Variants in ATAD3C observed in about 807,000 individuals in gnomAD.
The protein encoded by ATAD3C is ATPase family AAA domain containing 3C.
In ATAD3C, 38 loss-of-function variants were observed where a neutral mutation model predicts 46.3. That is an observed-to-expected ratio of 0.82 (90% CI 0.63 to 1.08). The LOEUF is 1.08. Ranked by LOEUF, ATAD3C falls within the 50% of genes least tolerant of loss-of-function variation. ATAD3C has a pLI of 0.00. For synonymous variants in ATAD3C, 220 were observed against 236.4 expected (o/e 0.93, Z 0.63); for missense variants, 563 against 572.7 (o/e 0.98, Z 0.17).
At position 1,452,806 on chromosome 1, in the gene ATAD3C, AAAAAAG is replaced by A. The variant is rs1334714647; in HGVS notation, c.222+376_222+381del. On this transcript the variant is annotated intron_variant, in intron 3 of 11. Coordinates refer to ENST00000378785, the MANE Select transcript of ATAD3C (RefSeq NM_001039211.3). ...GAGCGAGGCTCCTTCTCAAAAAAAA[AAAAAAG>A]AAAGAAAGAAAGAAAGAAAAAACAG... is the stretch of plus-strand genomic sequence containing the variant. Among the ~76,000 whole-genome samples, 5 of 132,606 alleles carry A rather than the reference AAAAAAG, an allele frequency of 3.8e-5. No individual in the cohort carries two copies. The East Asian group carries it at 7.4e-4, about 20-fold the overall frequency. The allele number at this position is 132,606 out of a possible 152,430, so 87.0% of individuals were successfully genotyped here.
Position 1,457,232 on chromosome 1 carries a change from C to A in ATAD3C, c.741+52C>A. The A allele has an allele frequency of 2.5e-6, 4 of 1,610,754 alleles. 1 individual carries two copies. Among genetic ancestry groups the A allele is most frequent in the Non-Finnish European group, 3.4e-6 (4 of 1,177,300 alleles). ...CCACAGGAGGGTGGTGGGGTGTGTG[C>A]GGCTGTCATCCTGGGCCAGGCCGCA... is the stretch of plus-strand genomic sequence containing the variant. On this transcript the variant is annotated intron_variant, in intron 8 of 11. Transcript: ENST00000378785.
intron 3 of ATAD3C, among the ~76,000 whole-genome samples, chr1:1,453,251 G>A (rs1638895148): frequency 6.6e-6 from 1 of 152,112 alleles, no homozygotes; most frequent in Non-Finnish European, 1.5e-5. Context: ...CTTCCAGGCT[G>A]GAGTGCGGTG....
At chr1:1,451,136 G>A (rs1363784267) in intron 1 of ATAD3C, among the ~76,000 whole-genome samples, 1 of 151,650 alleles carries the variant, frequency 6.6e-6, no homozygotes, top group East Asian at 1.9e-4. Flanking sequence ...CACCTCCCGG[G>A]TTCACACCAT....
chr1:1,468,574 C>G lies in ATAD3C; in HGVS notation c.*44C>G. On this transcript the variant is annotated 3_prime_UTR_variant, in exon 12 of 12. Transcript: ENST00000378785. ...CCTCACGGAGCCTGGCCGCGGACCC[C>G]TCCCACCCCTGCCTTTGCGGCCCCG... 1 of 1,582,090 alleles carries G rather than the reference C, an allele frequency of 6.3e-7. No homozygotes were observed. Among genetic ancestry groups the G allele is most frequent in the Non-Finnish European group, 8.6e-7 (1 of 1,166,048 alleles).
intron 8 of ATAD3C, among the ~76,000 whole-genome samples, chr1:1,457,512 C>T (rs1000812964): frequency 1.4e-5 from 2 of 140,172 alleles, no homozygotes; most frequent in East Asian, 2.4e-4. Flanking sequence ...AGGAGAATGG[C>T]GTGAACCCGG....
At chr1:1,454,890 T>C (rs1024429102) in intron 4 of ATAD3C, among the ~76,000 whole-genome samples, 2 of 151,798 alleles carry the variant, frequency 1.3e-5, no homozygotes, top group South Asian at 4.2e-4. Context: ...GGGGTGGCAG[T>C]GTCTCCACAG....
rs1439647888 is a variant in ATAD3C at position 1,468,378 on chromosome 1, C to T, written c.1090-6C>T. 6 of 1,607,144 alleles carry T rather than the reference C, an allele frequency of 3.7e-6. No individual in the cohort carries two copies. The African/African-American group carries it at 5.4e-5, about 14-fold the overall frequency. On this transcript the variant is annotated splice_region_variant and splice_polypyrimidine_tract_variant and intron_variant, in intron 11 of 11. Transcript: ENST00000378785. Reference sequence around the variant, plus strand: ...GGCCTCCCTCAGCTCCCTCTCTCCCCACTAGGCCACGGCGTATGCCTCCAA... The same window carrying T: ...GGCCTCCCTCAGCTCCCTCTCTCCCTACTAGGCCACGGCGTATGCCTCCAA...
intron 11 of ATAD3C, among the ~76,000 whole-genome samples, chr1:1,467,072 C>A (rs1310485879): frequency 6.6e-6 from 1 of 152,034 alleles, no homozygotes; most frequent in East Asian, 1.9e-4. Flanking sequence ...TGGGACCTTG[C>A]CACGTGGTGA....
chr1:1,464,868 C>A (rs1238093233), intron 11 of ATAD3C, among the ~76,000 whole-genome samples: 1 of 151,966 alleles, frequency 6.6e-6, no homozygotes, highest in Non-Finnish European at 1.5e-5. Flanking sequence ...TGATGTCTCT[C>A]AGCAATATTG....
intron 4 of ATAD3C, 103 bp downstream of exon 4, chr1:1,454,603 C>A: frequency 6.8e-7 from 1 of 1,472,066 alleles, no homozygotes; most frequent in Non-Finnish European, 9.0e-7. Context: ...TTCCCTTTCC[C>A]CGGATAACAG....
intron 11 of ATAD3C, among the ~76,000 whole-genome samples, chr1:1,463,079 G>A (rs1376151100): frequency 2.0e-5 from 3 of 152,068 alleles, no homozygotes; most frequent in Non-Finnish European, 2.9e-5. Context: ...TGGTGGGGGT[G>A]GAGGGACGTT....
At chr1:1,457,627 C>T (rs1273485783) in intron 8 of ATAD3C, among the ~76,000 whole-genome samples, 1 of 141,544 alleles carries the variant, frequency 7.1e-6, no homozygotes, top group Non-Finnish European at 1.5e-5. Context: ...AAAAAAACAG[C>T]ATTTTTTTAG....
chr1:1,457,457 G>A (rs1009429838), intron 8 of ATAD3C, among the ~76,000 whole-genome samples: 3 of 151,204 alleles, frequency 2.0e-5, no homozygotes, highest in South Asian at 4.2e-4. Context: ...TTAGCTGTGC[G>A]TGGTGGCGGG....
intron 11 of ATAD3C, among the ~76,000 whole-genome samples, chr1:1,464,701 G>GC (rs1165728686): frequency 6.6e-6 from 1 of 151,834 alleles, no homozygotes; most frequent in Admixed American, 6.6e-5. Flanking sequence ...AACCCTGGAG[G>GC]CGGAGGTTCC....
At chr1:1,467,236 C>A (rs1243488971) in intron 11 of ATAD3C, among the ~76,000 whole-genome samples, 1 of 152,194 alleles carries the variant, frequency 6.6e-6, no homozygotes, top group East Asian at 1.9e-4. Flanking sequence ...TGCTCACCCC[C>A]TTTCCTCTGC....
rs1639202639 is a variant in ATAD3C, at chr1:1,469,302, AAAG to A, written c.*773_*775del. 6.7e-6 allele frequency: 1 copy of A among 149,294 alleles called. No individual in the cohort carries two copies. Among genetic ancestry groups the A allele is most frequent in the African/African-American group, 2.5e-5 (1 of 40,642 alleles). The allele number at this position is 149,294 out of a possible 1,614,324, so 9.2% of individuals were successfully genotyped here. On this transcript the variant is annotated 3_prime_UTR_variant, in exon 12 of 12. Coordinates refer to ENST00000378785, the MANE Select transcript of ATAD3C (RefSeq NM_001039211.3). Reference sequence around the variant, plus strand: ...ACTCCCTCTAAAAAAAAAAAAAAAAAAAGGGCCAGGTGGCACATGCCGGTGGTC... The same window carrying A: ...ACTCCCTCTAAAAAAAAAAAAAAAAAGGCCAGGTGGCACATGCCGGTGGTC...
At chr1:1,456,021 C>T in intron 6 of ATAD3C, 105 bp downstream of exon 6, 1 of 1,557,286 alleles carries the variant, frequency 6.4e-7, no homozygotes, top group East Asian at 2.4e-5. Context: ...CCCCTTAGGC[C>T]TTTGCCCACC....
chr1:1,452,392 A>C lies in ATAD3C; in HGVS notation c.180A>C (p.Gly60=). Residue 60 remains glycine (G), a synonymous_variant, in exon 3 of 12, where the codon GGA becomes GGC. Transcript: ENST00000378785. ...CGGCTGGCACCTTGTTTGGGGAAGG[A>C]TTCCGTGCCTTTGTGACAGACCGGG... ...IRAAGTLFGE[G]FRAFVTDRDK... The C allele has an allele frequency of 6.2e-7, 1 of 1,613,804 alleles. No homozygotes were observed. Among genetic ancestry groups the C allele is most frequent in the Non-Finnish European group, 8.5e-7 (1 of 1,179,768 alleles).
At chr1:1,461,512 C>T (rs1008855741) in intron 10 of ATAD3C, among the ~76,000 whole-genome samples, 2 of 150,594 alleles carry the variant, frequency 1.3e-5, no homozygotes, top group South Asian at 2.1e-4. Context: ...CTTCACTACG[C>T]GGAGAGCTGT....
Sources: allele counts gnomAD v4.1 joint callset (sites outside exome capture counted in the v4.1 genomes callset), GRCh38; gene constraint gnomAD v4.1.1; transcripts MANE v1.5; gene names NCBI Gene and HGNC (gene_info 2026-07-23, HGNC 2026-07-21).